ULK4: variants seen among roughly 807,000 people sequenced by gnomAD.
The protein encoded by ULK4 is unc-51 like kinase 4.
Under a neutral mutation model 160.6 loss-of-function variants are expected in ULK4, and 133 were observed. The ratio of observed to expected loss-of-function variants is 0.83; its 90% CI spans 0.72 to 0.96. The LOEUF (loss-of-function observed/expected upper bound fraction) is 0.96. ULK4 is among the 40% of genes least tolerant of loss of function. The pLI, the probability that ULK4 is intolerant of heterozygous loss-of-function variation, is 0.00. For missense variants in ULK4, 1,580 were observed against 1,499.5 expected (o/e 1.05, Z -0.89); for synonymous variants, 534 against 539.8 (o/e 0.99, Z 0.15).
At chr3:41,687,598 C>T (rs1217184479) in intron 27 of ULK4, among the ~76,000 whole-genome samples, 1 of 152,110 alleles carries the variant, frequency 6.6e-6, no homozygotes, top group African/African-American at 2.4e-5. Context: ...AACCACTCTG[C>T]TGGGTTGACT....
chr3:41,711,623 A>G (rs1424798985), intron 25 of ULK4, among the ~76,000 whole-genome samples: 1 of 152,256 alleles, frequency 6.6e-6, no homozygotes, highest in Non-Finnish European at 1.5e-5. Flanking sequence ...GAGGGCAGGA[A>G]GTATAACCTT....
At chr3:41,768,066 G>A (rs2039227100) in intron 21 of ULK4, among the ~76,000 whole-genome samples, 1 of 152,110 alleles carries the variant, frequency 6.6e-6, no homozygotes, top group Admixed American at 6.6e-5. Flanking sequence ...ATAGGAGTGT[G>A]AACCCTATTG....
chr3:41,732,926 G>C (rs2037881982), intron 22 of ULK4, among the ~76,000 whole-genome samples: 4 of 152,102 alleles, frequency 2.6e-5, no homozygotes, highest in Admixed American at 2.0e-4. Context: ...ATAGAGAAGA[G>C]AATATTGGTA....
intron 2 of ULK4, among the ~76,000 whole-genome samples, chr3:41,945,844 T>C (rs530187088): frequency 2.0e-5 from 3 of 152,318 alleles, no homozygotes; most frequent in East Asian, 3.9e-4. Context: ...CTTAGTCATG[T>C]AGGCCAAAAC....
intron 7 of ULK4, 40 bp from the exon 8 acceptor site, chr3:41,916,092 TAAA>T (rs952957798): frequency 7.7e-7 from 1 of 1,297,834 alleles, no homozygotes; most frequent in African/African-American, 1.5e-5. Flanking sequence ...TGATAAGTAG[TAAA>T]TACATATCAA....
chr3:41,744,728 T>C (rs975321178), intron 22 of ULK4, among the ~76,000 whole-genome samples: 5 of 151,728 alleles, frequency 3.3e-5, no homozygotes, highest in Admixed American at 6.6e-5. Context: ...AATTGACATA[T>C]AAAGAACATC....
At chr3:41,480,967 CAT>C (rs2084304248) in intron 32 of ULK4, among the ~76,000 whole-genome samples, 2 of 152,282 alleles carry the variant, frequency 1.3e-5, no homozygotes, top group South Asian at 4.1e-4. Flanking sequence ...CCTCCCATGA[CAT>C]GTGGGGATTA....
intron 34 of ULK4, among the ~76,000 whole-genome samples, chr3:41,438,157 G>A (rs2083078937): frequency 6.7e-6 from 1 of 148,914 alleles, no homozygotes; most frequent in Admixed American, 6.7e-5. Flanking sequence ...GCAAAGAAAG[G>A]CATTTTTTAA....
At chr3:41,646,542 C>G (rs1006887834) in intron 30 of ULK4, among the ~76,000 whole-genome samples, 8 of 152,184 alleles carry the variant, frequency 5.3e-5, no homozygotes, top group Non-Finnish European at 7.4e-5. Context: ...CTGGCTTGTA[C>G]AGTTTCTGCT....
intron 35 of ULK4, among the ~76,000 whole-genome samples, chr3:41,345,617 C>T (rs1268827187): frequency 6.6e-6 from 1 of 151,960 alleles, no homozygotes; most frequent in African/African-American, 2.4e-5. Context: ...CACAGTGGGG[C>T]CTGTTAGAGG....
intron 32 of ULK4, among the ~76,000 whole-genome samples, chr3:41,478,881 A>G (rs1184414644): frequency 6.6e-6 from 1 of 152,256 alleles, no homozygotes; most frequent in East Asian, 1.9e-4. Flanking sequence ...ACTAAATTCT[A>G]TTCTTAGCTC....
At chr3:41,872,559 ACAGCTCAGC>A (rs1213928142) in intron 17 of ULK4, among the ~76,000 whole-genome samples, 1 of 109,156 alleles carries the variant, frequency 9.2e-6, no homozygotes, top group East Asian at 2.2e-4. Context: ...AGTTAAACGT[ACAGCTCAGC>A]CAGGTCCACT....
At chr3:41,469,071 C>T (rs2083904489) in intron 32 of ULK4, among the ~76,000 whole-genome samples, 1 of 152,298 alleles carries the variant, frequency 6.6e-6, no homozygotes, top group Middle Eastern at 3.4e-3. Context: ...TCTACACAGT[C>T]AGCCTCCAGG....
intron 29 of ULK4, among the ~76,000 whole-genome samples, chr3:41,680,919 T>C (rs2035902152): frequency 6.6e-6 from 1 of 152,208 alleles, no homozygotes; most frequent in Non-Finnish European, 1.5e-5. Flanking sequence ...AACTATAAGG[T>C]GAGATTTTAG....
chr3:41,924,579 G>T (rs1699312458), intron 5 of ULK4, among the ~76,000 whole-genome samples: 1 of 152,004 alleles, frequency 6.6e-6, no homozygotes, highest in Non-Finnish European at 1.5e-5. Context: ...CATTGACCTT[G>T]TTTTCTATAA....
At chr3:41,936,043 G>GGGCCGGGC in intron 3 of ULK4, 103 bp from the exon 4 acceptor site, 1 of 1,450,118 alleles carries the variant, frequency 6.9e-7, no homozygotes, top group Non-Finnish European at 9.3e-7. Context: ...AAATGATCAA[G>GGGCCGGGC]ACAGTAAACG....
intron 22 of ULK4, among the ~76,000 whole-genome samples, chr3:41,753,299 C>T (rs2038689944): frequency 6.6e-6 from 1 of 152,116 alleles, no homozygotes; most frequent in Non-Finnish European, 1.5e-5. Flanking sequence ...TCTTGATCTA[C>T]AAAGCCTACT....
intron 32 of ULK4, among the ~76,000 whole-genome samples, chr3:41,527,297 G>A (rs1055573285): frequency 6.6e-6 from 1 of 152,206 alleles, no homozygotes; most frequent in African/African-American, 2.4e-5. Context: ...AAGCATTACT[G>A]GGAGAAACAA....
chr3:41,682,631 A>T lies in ULK4; in HGVS notation c.2782-827T>A, dbSNP rs547230887. Among the ~76,000 whole-genome samples, 14 of 152,348 alleles carry T rather than the reference A, an allele frequency of 9.2e-5. No homozygotes were observed. The East Asian group carries it at 2.3e-3, about 25-fold the overall frequency. On this transcript the variant is annotated intron_variant, in intron 27 of 36. Coordinates refer to ENST00000301831, the MANE Select transcript of ULK4 (RefSeq NM_017886.4). ...TGGCCCATCAGTATTAACATATTCT[A>T]TCTCCACTTGACATAGGAAATTTAT...
Sources: allele counts gnomAD v4.1 joint callset (sites outside exome capture counted in the v4.1 genomes callset), GRCh38; gene constraint gnomAD v4.1.1; transcripts MANE v1.5; gene names NCBI Gene and HGNC (gene_info 2026-07-23, HGNC 2026-07-21).